Variants in APOBEC1 observed in about 807,000 individuals in gnomAD.
APOBEC1 encodes the protein C->U-editing enzyme APOBEC-1.
Under a neutral mutation model 26.3 loss-of-function variants are expected in APOBEC1, and 22 were observed. The ratio of observed to expected loss-of-function variants is 0.84; its 90% confidence interval spans 0.60 to 1.19. APOBEC1 has a LOEUF of 1.19. Among genes scored for constraint, APOBEC1 ranks in the 50% most tolerant of loss-of-function variants. APOBEC1 has a pLI of 0.00. For missense variants in APOBEC1, 253 were observed against 289.0 expected (o/e 0.88, Z 0.90); for synonymous variants, 77 against 95.3 (o/e 0.81, Z 1.12).
chr12:7,670,490 C>T (rs1184165468), upstream of APOBEC1, among the ~76,000 whole-genome samples: 3 of 140,372 alleles, frequency 2.1e-5, no homozygotes, highest in Non-Finnish European at 3.1e-5. Context: ...TGCAGTGGCT[C>T]ATACCTGCAA....
At chr12:7,666,295 CT>C (rs150651951), upstream of APOBEC1, among the ~76,000 whole-genome samples, 21,344 of 148,594 alleles carry the variant, frequency 0.14, 1,595 homozygotes, top group South Asian at 0.22. Context: ...ATGCATCATT[CT>C]TTTTTTTTTT....
Position 7,649,490 on chromosome 12 carries a change from C to T in APOBEC1, c.*57G>A. ...TTCTAGATTCTAAATGGCATTCACT[C>T]TTTAGTGGGTCATCATTGCTTGTTC... On this transcript the variant is annotated 3_prime_UTR_variant, in exon 5 of 5. Coordinates refer to ENST00000229304, the MANE Select transcript of APOBEC1 (RefSeq NM_001644.5). The T allele has an allele frequency of 6.4e-7, 1 of 1,571,852 alleles. No individual in the cohort carries two copies. Among genetic ancestry groups the T allele is most frequent in the Non-Finnish European group, 8.7e-7 (1 of 1,150,006 alleles).
rs1394263827 is a variant in APOBEC1, at chr12:7,659,323, ATAT to A, written c.17-4694_17-4692del. On this transcript the variant is annotated intron_variant, in intron 1 of 4. Coordinates refer to ENST00000229304, the MANE Select transcript of APOBEC1 (RefSeq NM_001644.5). ...AAAAAAAAAAAAAAAAAAAAAAAAA[ATAT>A]ATATATATATATATATATATATATG... Among the ~76,000 whole-genome samples the A allele has an allele frequency of 2.0e-3, 79 of 39,062 alleles. 1 individual carries two copies. The highest frequency in any genetic ancestry group is 2.9e-3 in the African/African-American group (20 of 6,788). The allele number at this position is 39,062 out of a possible 152,430, so 25.6% of individuals were successfully genotyped here.
intron 1 of APOBEC1, among the ~76,000 whole-genome samples, chr12:7,660,618 G>C (rs551691481): frequency 2.1e-5 from 3 of 146,090 alleles, no homozygotes; most frequent in South Asian, 2.2e-4. Flanking sequence ...CACAAGAATC[G>C]CTTGAACCCG....
At chr12:7,663,581 C>T (rs1863849667) in intron 1 of APOBEC1, among the ~76,000 whole-genome samples, 1 of 152,022 alleles carries the variant, frequency 6.6e-6, no homozygotes, top group Non-Finnish European at 1.5e-5. Context: ...ACAGAGGCCA[C>T]ATCATAGGAA....
chr12:7,650,242 A>G (rs1863620340), intron 4 of APOBEC1, among the ~76,000 whole-genome samples: 1 of 152,194 alleles, frequency 6.6e-6, no homozygotes, highest in Non-Finnish European at 1.5e-5. Context: ...TAACAAGAAC[A>G]ATAATAATGA....
In APOBEC1 at chr12:7,652,773, G is replaced by T. The variant is rs201153599; in HGVS notation, c.107C>A (p.Ala36Asp). The T allele has an allele frequency of 6.2e-7, 1 of 1,613,812 alleles. No homozygotes were observed. The highest frequency in any genetic ancestry group is 8.5e-7 in the Non-Finnish European group (1 of 1,179,928). The change falls in exon 3 of 5, where the codon GCC becomes GAC. Residue 36 changes from alanine to aspartate, a missense_variant. By Grantham distance (126) the Ala-to-Asp change is moderately radical. Coordinates refer to ENST00000229304, the MANE Select transcript of APOBEC1 (RefSeq NM_001644.5). Reference protein sequence around the residue: ...FYDPRELRKEACLLYEIKWGM... With the variant: ...FYDPRELRKEDCLLYEIKWGM... ...CCACTTGATTTCGTAGAGCAGACAG[G>T]CCTCTTTACGAAGTTCTCTGGGGTC... is the stretch of plus-strand genomic sequence containing the variant.
At chr12:7,662,197 C>T (rs1206727747) in intron 1 of APOBEC1, among the ~76,000 whole-genome samples, 3 of 151,892 alleles carry the variant, frequency 2.0e-5, no homozygotes, top group South Asian at 2.1e-4. Flanking sequence ...CCCAGGAGTT[C>T]GAGGCTACAG....
intron 1 of APOBEC1, among the ~76,000 whole-genome samples, chr12:7,655,703 T>TAG (rs1006339729): frequency 1.3e-5 from 2 of 151,980 alleles, no homozygotes; most frequent in African/African-American, 2.4e-5. Context: ...TTTATATATA[T>TAG]AGAGAGAGAG....
At chr12:7,654,297 A>G (rs958986645) in intron 2 of APOBEC1, among the ~76,000 whole-genome samples, 2 of 152,212 alleles carry the variant, frequency 1.3e-5, no homozygotes, top group Non-Finnish European at 2.9e-5. Context: ...GAAACTGGAA[A>G]AGGCAAAAAT....
rs777859366 is a variant in APOBEC1, at chr12:7,653,686, AT to A, written c.45-852del. ...CTATGTTCCAATCCTTATCTTTTCT[AT>A]TCCTCAATGGACTCTAACCAGATTT... is the stretch of plus-strand genomic sequence containing the variant. On this transcript the variant is annotated intron_variant, in intron 2 of 4. Coordinates refer to ENST00000229304, the MANE Select transcript of APOBEC1 (RefSeq NM_001644.5). 2.3e-3 allele frequency among the ~76,000 whole-genome samples: 347 copies of A among 152,004 alleles called. 2 individuals carry two copies. The highest frequency in any genetic ancestry group is 7.9e-3 in the African/African-American group (329 of 41,462).
intron 1 of APOBEC1, among the ~76,000 whole-genome samples, chr12:7,662,591 A>C (rs1212009903): frequency 2.0e-5 from 3 of 152,216 alleles, no homozygotes; most frequent in African/African-American, 7.2e-5. Flanking sequence ...CATCTCAAAA[A>C]AAAAGGAAGA....
At chr12:7,657,919 CA>C (rs562299007) in intron 1 of APOBEC1, among the ~76,000 whole-genome samples, 4 of 151,754 alleles carry the variant, frequency 2.6e-5, no homozygotes, top group South Asian at 2.1e-4. Context: ...AAATAAATAA[CA>C]AAAAAAATAC....
rs769382291 is a variant in APOBEC1 at position 7,650,874 on chromosome 12, G to A, written c.561+149C>T. ...AGTGTGCACCACCATACCTGGCTCTGAGATTTTCTTAAGAGGAGCTAGCTA... is the reference window on the plus strand; with the variant it reads ...AGTGTGCACCACCATACCTGGCTCTAAGATTTTCTTAAGAGGAGCTAGCTA... On this transcript the variant is annotated intron_variant, in intron 4 of 4. Coordinates refer to ENST00000229304, the MANE Select transcript of APOBEC1 (RefSeq NM_001644.5). The A allele has an allele frequency of 7.3e-6, 5 of 684,530 alleles. No homozygotes were observed. In the East Asian group the frequency reaches 1.3e-4, roughly 17 times the overall value. The allele number at this position is 684,530 out of a possible 1,614,324, so 42.4% of individuals were successfully genotyped here. A position where few individuals can be genotyped will look rare whatever the true frequency, so the allele number is the denominator to read the frequency against.
At position 7,649,420 on chromosome 12, in the gene APOBEC1, T is replaced by G. The variant is rs1592055319; in HGVS notation, c.*127A>C. 17 of 982,634 alleles carry G rather than the reference T, an allele frequency of 1.7e-5. 1 individual carries two copies. The South Asian group carries it at 2.8e-4, about 16-fold the overall frequency. The allele number at this position is 982,634 out of a possible 1,614,324, so 60.9% of individuals were successfully genotyped here. On this transcript the variant is annotated 3_prime_UTR_variant, in exon 5 of 5. Coordinates refer to ENST00000229304, the MANE Select transcript of APOBEC1 (RefSeq NM_001644.5). ...GAAACTGCCAGAGGTAATACATATT[T>G]ATTGTTGGTTTAAGCTACAGAGTTT...
chr12:7,660,334 G>GGAAGGAA (rs1555094860), intron 1 of APOBEC1, among the ~76,000 whole-genome samples: 6 of 35,754 alleles, frequency 1.7e-4, no homozygotes, highest in Non-Finnish European at 3.6e-4. Context: ...AAGGAAGGAA[G>GGAAGGAA]GGAAGGAAGG....
intron 1 of APOBEC1, among the ~76,000 whole-genome samples, chr12:7,658,045 C>CTGTTTTGTTT (rs75339711): frequency 0.077 from 11,490 of 149,660 alleles, 556 homozygotes; most frequent in Middle Eastern, 0.15. Flanking sequence ...TTGATTTGTT[C>CTGTTTTGTTT]TGTTTTGTTT....
At chr12:7,659,093 G>A (rs1353388544) in intron 1 of APOBEC1, among the ~76,000 whole-genome samples, 3 of 149,804 alleles carry the variant, frequency 2.0e-5, no homozygotes, top group African/African-American at 4.9e-5. Flanking sequence ...TCAGGTGTTC[G>A]AGACCAGCCT....
chr12:7,657,977 A>G (rs1592059957), intron 1 of APOBEC1, among the ~76,000 whole-genome samples: 1 of 152,252 alleles, frequency 6.6e-6, no homozygotes, highest in African/African-American at 2.4e-5. Flanking sequence ...ACAAAAATGC[A>G]TGGACTGATC....
Sources: allele counts gnomAD v4.1 joint callset (sites outside exome capture counted in the v4.1 genomes callset), GRCh38; gene constraint gnomAD v4.1.1; transcripts MANE v1.5; gene names NCBI Gene and HGNC (gene_info 2026-07-23, HGNC 2026-07-21).